The following CUX1 variants were observed in gnomAD, a reference collection of about 807,000 sequenced individuals.
CUX1 encodes the protein cut like homeobox 1, also known as protein CASP.
A neutral mutation model predicts 158.8 loss-of-function variants in CUX1; 31 were observed. That is an observed-to-expected ratio of 0.20 (90% CI 0.15 to 0.26). The LOEUF (loss-of-function observed/expected upper bound fraction) is 0.26, where lower values mean the gene tolerates loss of function less well. Among genes scored for constraint, CUX1 ranks in the 10% least tolerant of loss-of-function variants. CUX1 has a pLI of 1.00. For synonymous variants in CUX1, 879 were observed against 862.1 expected (o/e 1.02, Z -0.34); for missense variants, 1,589 against 2,014.6 (o/e 0.79, Z 4.04).
At chr7:101,981,716 T>G (rs950528439) in intron 2 of CUX1, among the ~76,000 whole-genome samples, 1 of 152,068 alleles carries the variant, frequency 6.6e-6, no homozygotes, top group Non-Finnish European at 1.5e-5. Context: ...GTTCAGGCGA[T>G]TCTCCTGCCT....
At chr7:102,121,707 C>A (rs529410267) in intron 8 of CUX1, among the ~76,000 whole-genome samples, 1 of 152,206 alleles carries the variant, frequency 6.6e-6, no homozygotes, top group African/African-American at 2.4e-5. Context: ...TCTTGTTTGC[C>A]CTTTCCTGAA....
intron 13 of CUX1, among the ~76,000 whole-genome samples, chr7:102,195,116 C>CAAA (rs35700064): frequency 2.4e-5 from 3 of 123,374 alleles, no homozygotes; most frequent in African/African-American, 5.8e-5. Flanking sequence ...TTGTGGCTGG[C>CAAA]AAAAAAAAAA....
chr7:102,237,466 G>T (rs1436416658), intron 22 of CUX1, among the ~76,000 whole-genome samples: 1 of 151,944 alleles, frequency 6.6e-6, no homozygotes, highest in Admixed American at 6.6e-5. Context: ...AATTTTTTTT[G>T]AGACAGGGTC....
At chr7:101,950,910 A>G (rs996609595) in intron 2 of CUX1, among the ~76,000 whole-genome samples, 1 of 152,036 alleles carries the variant, frequency 6.6e-6, no homozygotes, top group African/African-American at 2.4e-5. Flanking sequence ...CACTCTCCTT[A>G]CTTCTTAGTT....
chr7:102,235,042 T>C (rs932728667), intron 22 of CUX1, among the ~76,000 whole-genome samples: 1 of 152,212 alleles, frequency 6.6e-6, no homozygotes, highest in Non-Finnish European at 1.5e-5. Flanking sequence ...CAGATCTCTC[T>C]CTTGCTGTTA....
chr7:102,205,056 G>A lies in CUX1; in HGVS notation c.3074-58G>A, dbSNP rs569823772. 453 of 1,243,170 alleles carry A rather than the reference G, an allele frequency of 3.6e-4. 6 individuals are homozygous for A. In the South Asian group the frequency reaches 4.8e-3, roughly 13 times the overall value. The allele number at this position is 1,243,170 out of a possible 1,614,324, so 77.0% of individuals were successfully genotyped here. ...CCCGGGCCTTGCCACATTCAGTTAG[G>A]AAGCTTTAAGCCCTGGGCCGCGTTC... On this transcript the variant is annotated intron_variant, in intron 19 of 23. Transcript: ENST00000292535.
At chr7:101,864,452 A>G (rs10953353) in intron 1 of CUX1, among the ~76,000 whole-genome samples, 31,536 of 151,948 alleles carry the variant, frequency 0.21, 3,975 homozygotes, top group Non-Finnish European at 0.28. Context: ...GTGAGCCACC[A>G]TGCCTAGCCT....
At chr7:101,833,137 A>G (rs1249080151) in intron 1 of CUX1, among the ~76,000 whole-genome samples, 3 of 152,022 alleles carry the variant, frequency 2.0e-5, no homozygotes, top group African/African-American at 7.2e-5. Context: ...AGTGGCTTAC[A>G]CCTGTAATAC....
At chr7:102,185,614 T>G (rs1335837074) in intron 11 of CUX1, among the ~76,000 whole-genome samples, 1 of 151,976 alleles carries the variant, frequency 6.6e-6, no homozygotes, top group Non-Finnish European at 1.5e-5. Context: ...TTTGTTTTTT[T>G]TTTTTGGTAG....
chr7:102,090,604 G>T (rs1227403167), intron 4 of CUX1, among the ~76,000 whole-genome samples: 1 of 151,404 alleles, frequency 6.6e-6, no homozygotes, highest in Non-Finnish European at 1.5e-5. Context: ...TAGCCAGGAC[G>T]GTCTCGATCT....
At chr7:101,883,622 G>GT (rs1280072863) in intron 1 of CUX1, among the ~76,000 whole-genome samples, 2 of 149,814 alleles carry the variant, frequency 1.3e-5, no homozygotes, top group Non-Finnish European at 3.0e-5. Context: ...TATTATTACT[G>GT]TTTTTTGCGA....
chr7:102,074,570 A>T (rs746936925), intron 4 of CUX1, among the ~76,000 whole-genome samples: 1 of 152,222 alleles, frequency 6.6e-6, no homozygotes, highest in Non-Finnish European at 1.5e-5. Context: ...GGCACACAAC[A>T]GGTGGGACAT....
chr7:102,059,390 T>C (rs1174019152), intron 3 of CUX1, among the ~76,000 whole-genome samples: 2 of 152,056 alleles, frequency 1.3e-5, no homozygotes, highest in East Asian at 3.9e-4. Flanking sequence ...TCCCAGCACT[T>C]TGGGAGGCCA....
At position 102,248,763 on chromosome 7, in the gene CUX1, G is replaced by C; in HGVS notation, c.4239G>C (p.Ala1413=). Residue 1413 remains alanine (A), a synonymous_variant, in exon 24 of 24, where the codon GCG becomes GCC. Transcript: ENST00000292535. The surrounding 1 kb of genome is among the most constrained non-coding windows in gnomAD (Gnocchi z 5.8). ...CCGCCTCCGCGACCGCCACCGCCGC[G>C]CCCGCGGCCCCCGAGGACGCCGCTA... The part of the protein sequence containing the change: ...PSPASATATA[A]PAAPEDAATS... The C allele has an allele frequency of 9.7e-7, 1 of 1,035,528 alleles. No individual in the cohort carries two copies. The highest frequency in any genetic ancestry group is 1.2e-6 in the Non-Finnish European group (1 of 862,098). The allele number at this position is 1,035,528 out of a possible 1,614,324, so 64.1% of individuals were successfully genotyped here. A position where few individuals can be genotyped will look rare whatever the true frequency, so the allele number is the denominator to read the frequency against.
chr7:101,990,814 A>G (rs530508092), intron 2 of CUX1, among the ~76,000 whole-genome samples: 31 of 152,308 alleles, frequency 2.0e-4, no homozygotes, highest in African/African-American at 7.0e-4. Flanking sequence ...TTCCGTGGTC[A>G]GGGAGGACTG....
At chr7:102,059,546 C>T (rs1824538441) in intron 3 of CUX1, among the ~76,000 whole-genome samples, 1 of 150,708 alleles carries the variant, frequency 6.6e-6, no homozygotes. Flanking sequence ...GCAGGAGAAT[C>T]ACTTGAACCC....
At chr7:102,260,100 GGGAAA>G (rs1362001162), downstream of CUX1, among the ~76,000 whole-genome samples, 1 of 144,816 alleles carries the variant, frequency 6.9e-6, no homozygotes, top group African/African-American at 2.5e-5. Context: ...AAATCTTGGG[GGGAAA>G]AAAAAAAAAA....
At chr7:101,868,536 T>C (rs879422905) in intron 1 of CUX1, among the ~76,000 whole-genome samples, 10 of 152,212 alleles carry the variant, frequency 6.6e-5, no homozygotes, top group Admixed American at 3.3e-4. Context: ...ACCTTAGCGC[T>C]TGGTGCCCTG....
chr7:101,985,610 A>C (rs1396108448), intron 2 of CUX1, among the ~76,000 whole-genome samples: 1 of 152,246 alleles, frequency 6.6e-6, no homozygotes, highest in Non-Finnish European at 1.5e-5. Flanking sequence ...CTCCGGAGCC[A>C]GGTGGCTGGG....
Sources: gnomAD v4.1 joint callset for allele counts (sites outside exome capture counted in the v4.1 genomes callset) on GRCh38, gnomAD v4.1.1 for gene constraint, Gnocchi (gnomAD v3.1) non-coding constraint, MANE v1.5 for transcripts, NCBI Gene and HGNC (gene_info 2026-07-23, HGNC 2026-07-21) for gene names.